The following ATG7 variants were observed in gnomAD, a reference collection of about 807,000 sequenced individuals.
The protein encoded by ATG7 is autophagy related 7, also known as ubiquitin-like modifier-activating enzyme ATG7.
ATG7 carries 70 observed loss-of-function variants against 82.4 expected under a neutral mutation model. The observed-to-expected ratio is 0.85, with a 90% CI of 0.70 to 1.04. The LOEUF is 1.04. Ranked by LOEUF, ATG7 falls within the 50% of genes least tolerant of loss-of-function variation. The pLI, the probability that ATG7 is intolerant of heterozygous loss-of-function variation, is 0.00. For synonymous variants in ATG7, 287 were observed against 313.0 expected (o/e 0.92, Z 0.88); for missense variants, 792 against 864.3 (o/e 0.92, Z 1.05).
rs936258706 is a variant in ATG7, at chr3:11,276,226, A to G, written c.-366+3796A>G. Among the ~76,000 whole-genome samples the G allele has an allele frequency of 5.3e-5, 8 of 152,210 alleles. No individual in the cohort carries two copies. The South Asian group carries it at 8.3e-4, about 16-fold the overall frequency. On this transcript the variant is annotated intron_variant, in intron 1 of 20. Coordinates refer to ENST00000693202, the MANE Select transcript of ATG7 (RefSeq NM_001349232.2). ...TTAAGGCATCGCAGCTTCCTCTTCT[A>G]TCCTTTACCAACTGATCTTTAGCTG...
chr3:11,453,029 A>G (rs2085347923), intron 20 of ATG7, among the ~76,000 whole-genome samples: 1 of 152,228 alleles, frequency 6.6e-6, no homozygotes, highest in South Asian at 2.1e-4. Flanking sequence ...CGGAAAGGGT[A>G]TTGGAAGCAG....
chr3:11,438,617 G>A (rs530158230), intron 20 of ATG7, among the ~76,000 whole-genome samples: 1 of 151,932 alleles, frequency 6.6e-6, no homozygotes, highest in Non-Finnish European at 1.5e-5. Context: ...CCTAAATTCT[G>A]TTGTCTCAGA....
rs183429017 is a variant in ATG7 at position 11,474,225 on chromosome 3, C to T, written c.2079+47299C>T. 1.8e-4 allele frequency among the ~76,000 whole-genome samples: 27 copies of T among 152,362 alleles called. No individual in the cohort carries two copies. The East Asian group carries it at 4.8e-3, about 27-fold the overall frequency. On this transcript the variant is annotated intron_variant, in intron 20 of 20. Coordinates refer to ENST00000693202, the MANE Select transcript of ATG7 (RefSeq NM_001349232.2). The stretch of plus-strand genomic sequence containing the variant: ...TGGCAAGACAGACAAGGCAGGGCCT[C>T]TGTTTTCATGGAGCCTACTTTTCTA...
At chr3:11,441,709 C>T (rs1261174251) in intron 20 of ATG7, among the ~76,000 whole-genome samples, 2 of 148,366 alleles carry the variant, frequency 1.3e-5, no homozygotes, top group Non-Finnish European at 3.0e-5. Flanking sequence ...CTCTGTTGCC[C>T]AGGCTGGAGT....
intron 18 of ATG7, among the ~76,000 whole-genome samples, chr3:11,366,047 G>A (rs922754594): frequency 3.3e-5 from 5 of 151,828 alleles, no homozygotes; most frequent in African/African-American, 7.3e-5. Context: ...GTGAAACCCC[G>A]TCTCTACTAA....
chr3:11,444,431 CTG>C (rs1476165103), intron 20 of ATG7, among the ~76,000 whole-genome samples: 4 of 152,196 alleles, frequency 2.6e-5, no homozygotes, highest in Non-Finnish European at 5.9e-5. Flanking sequence ...CCACTAAACA[CTG>C]TCATATCTAA....
chr3:11,518,309 G>A (rs2092340118), intron 20 of ATG7, among the ~76,000 whole-genome samples: 1 of 152,216 alleles, frequency 6.6e-6, no homozygotes. Context: ...GACTTTGGGA[G>A]GCCAAGGTGG....
At chr3:11,344,708 A>G (rs1268846977) in intron 13 of ATG7, among the ~76,000 whole-genome samples, 4 of 152,134 alleles carry the variant, frequency 2.6e-5, no homozygotes, top group Non-Finnish European at 5.9e-5. Flanking sequence ...CTCTACAAAA[A>G]AAATATAAAA....
intron 20 of ATG7, among the ~76,000 whole-genome samples, chr3:11,495,216 A>T (rs564694436): frequency 6.6e-6 from 1 of 152,320 alleles, no homozygotes; most frequent in South Asian, 2.1e-4. Context: ...CCAGGGAAGG[A>T]GGCAGGGATT....
chr3:11,293,718 G>A (rs1312023088), intron 3 of ATG7, among the ~76,000 whole-genome samples: 1 of 151,642 alleles, frequency 6.6e-6, no homozygotes, highest in African/African-American at 2.4e-5. Context: ...AGGCATGGTG[G>A]CTCACGCCTG....
intron 20 of ATG7, among the ~76,000 whole-genome samples, chr3:11,469,258 T>C (rs1230716539): frequency 6.6e-6 from 1 of 152,100 alleles, no homozygotes; most frequent in Non-Finnish European, 1.5e-5. Flanking sequence ...AAGACCAGCC[T>C]GACCAACATG....
intron 17 of ATG7, among the ~76,000 whole-genome samples, chr3:11,364,446 C>G (rs1284774645): frequency 6.6e-6 from 1 of 152,202 alleles, no homozygotes; most frequent in African/African-American, 2.4e-5. Flanking sequence ...TGCCTATGGT[C>G]ACAAGCTCAG....
intron 14 of ATG7, among the ~76,000 whole-genome samples, chr3:11,350,390 T>TA (rs751345105): frequency 8.5e-5 from 13 of 152,224 alleles, no homozygotes; most frequent in Non-Finnish European, 1.5e-4. Context: ...TGCAAACATT[T>TA]ATTTCATGTT....
chr3:11,359,571 C>A (rs533832222), intron 15 of ATG7, among the ~76,000 whole-genome samples: 1 of 151,706 alleles, frequency 6.6e-6, no homozygotes, highest in South Asian at 2.1e-4. Flanking sequence ...TGATGCACAC[C>A]CGTGCTCCCA....
chr3:11,561,880 G>A (rs369574441), downstream of ATG7, among the ~76,000 whole-genome samples: 2 of 147,058 alleles, frequency 1.4e-5, 1 homozygote, highest in East Asian at 4.0e-4. Flanking sequence ...CCCAAGGCTG[G>A]CTGCGCCAAA....
At chr3:11,300,802 C>T (rs1946671276) in intron 5 of ATG7, among the ~76,000 whole-genome samples, 1 of 152,174 alleles carries the variant, frequency 6.6e-6, no homozygotes, top group Non-Finnish European at 1.5e-5. Flanking sequence ...AGATATTCAA[C>T]ACTTTATTAT....
chr3:11,516,707 T>G (rs2092292705), intron 20 of ATG7, among the ~76,000 whole-genome samples: 2 of 152,172 alleles, frequency 1.3e-5, no homozygotes, highest in Admixed American at 1.3e-4. Flanking sequence ...TAAACTGTGG[T>G]CCATCCAGAC....
the ATG7 span, among the ~76,000 whole-genome samples, chr3:11,564,400 G>A: frequency 1.9e-4 from 13 of 69,286 alleles, no homozygotes; most frequent in Non-Finnish European, 3.2e-4. Context: ...AAGGAGAAAC[G>A]TAGGACCCCC....
intron 7 of ATG7, among the ~76,000 whole-genome samples, 171 bp downstream of exon 7, chr3:11,309,232 A>T (rs1442455172): frequency 6.6e-6 from 1 of 152,196 alleles, no homozygotes; most frequent in East Asian, 1.9e-4. Flanking sequence ...GCTGGCACCT[A>T]TTACCAATGC....
Sources: allele counts gnomAD v4.1 joint callset (sites outside exome capture counted in the v4.1 genomes callset), GRCh38; gene constraint gnomAD v4.1.1; transcripts MANE v1.5; gene names NCBI Gene and HGNC (gene_info 2026-07-23, HGNC 2026-07-21).